Variants in TNRC6B observed in about 807,000 individuals in gnomAD.
The protein encoded by TNRC6B is trinucleotide repeat-containing gene 6B protein.
In TNRC6B, 52 loss-of-function variants were observed where a neutral mutation model predicts 203.6. That is an observed-to-expected ratio of 0.26 (90% confidence interval 0.20 to 0.32). The LOEUF (loss-of-function observed/expected upper bound fraction) is 0.32, where lower values mean the gene tolerates loss of function less well. TNRC6B is among the 10% of genes least tolerant of loss of function. The pLI, the probability that TNRC6B is intolerant of heterozygous loss-of-function variation, is 1.00. For synonymous variants in TNRC6B, 838 were observed against 845.7 expected (o/e 0.99, Z 0.16); for missense variants, 1,923 against 2,286.2 (o/e 0.84, Z 3.24).
At chr22:40,101,487 T>C (rs771243633) in intron 1 of TNRC6B, among the ~76,000 whole-genome samples, 9 of 152,182 alleles carry the variant, frequency 5.9e-5, no homozygotes, top group Non-Finnish European at 1.2e-4. Flanking sequence ...TTGAGAACCA[T>C]TGCTCTAGAC....
At position 40,329,786 on chromosome 22, in the gene TNRC6B, A is replaced by G. The variant is rs531941934; in HGVS notation, c.*6545A>G. 2 of 152,092 alleles carry G rather than the reference A, an allele frequency of 1.3e-5. No individual in the cohort carries two copies. Among genetic ancestry groups the G allele is most frequent in the African/African-American group, 2.4e-5 (1 of 41,410 alleles). The allele number at this position is 152,092 out of a possible 1,614,324, so 9.4% of individuals were successfully genotyped here. Reference sequence around the variant, plus strand: ...TGTCAGTCTCTTGTCATAACCTCCTACCGCCACCCAAAAAAGTAACGAAAG... The same window carrying G: ...TGTCAGTCTCTTGTCATAACCTCCTGCCGCCACCCAAAAAAGTAACGAAAG... On this transcript the variant is annotated 3_prime_UTR_variant, in exon 23 of 23. Transcript: ENST00000454349.
intron 1 of TNRC6B, among the ~76,000 whole-genome samples, chr22:40,206,291 C>A (rs540190160): frequency 3.3e-5 from 5 of 152,004 alleles, no homozygotes; most frequent in African/African-American, 1.2e-4. Context: ...AAAGTTTTGT[C>A]TTTTTTATTT....
rs747144588 is a variant in TNRC6B at position 40,266,121 on chromosome 22, G to C, written c.1891G>C (p.Asp631His). 5 of 1,613,950 alleles carry C rather than the reference G, an allele frequency of 3.1e-6. No homozygotes were observed. In the East Asian group the frequency reaches 8.9e-5, roughly 29 times the overall value. The change falls in exon 5 of 23, where the codon GAC becomes CAC. Residue 631 changes from aspartate to histidine, a missense_variant. By Grantham distance (81) the Asp-to-His change is moderately conservative. This residue lies in a region of TNRC6B where 38 missense variants were observed against 70.3 expected (regional missense o/e 0.54). Transcript: ENST00000454349. ...CTGGGGCCAAACTCAAATTAAGCAG[G>C]ACACAGTGTGGGACATTGAAGAGGT... ...TGWGQTQIKQ[D>H]TVWDIEEVPR...
intron 1 of TNRC6B, among the ~76,000 whole-genome samples, chr22:40,099,904 C>T (rs900934489): frequency 6.6e-6 from 1 of 152,078 alleles, no homozygotes; most frequent in Non-Finnish European, 1.5e-5. Flanking sequence ...GCGCCCGCCA[C>T]CATGCCTGGC....
At position 40,276,283 on chromosome 22, in the gene TNRC6B, C is replaced by G. The variant is rs185497921; in HGVS notation, c.3142-794C>G. 2.5e-3 allele frequency among the ~76,000 whole-genome samples: 383 copies of G among 150,604 alleles called. 2 individuals carry two copies. Among genetic ancestry groups the G allele is most frequent in the African/African-American group, 8.1e-3 (333 of 40,926 alleles). ...AATGGCGTGAGCCCGGGAGGCAAAGCTTGCAGTGAGTTGGGATGGCACCAC... is the reference window on the plus strand; with the variant it reads ...AATGGCGTGAGCCCGGGAGGCAAAGGTTGCAGTGAGTTGGGATGGCACCAC... On this transcript the variant is annotated intron_variant, in intron 7 of 22. Transcript: ENST00000454349.
chr22:40,201,016 A>G (rs1488141349), intron 1 of TNRC6B, among the ~76,000 whole-genome samples: 4 of 152,148 alleles, frequency 2.6e-5, no homozygotes, highest in Admixed American at 1.3e-4. Context: ...ATCCCCATTT[A>G]ACAGAGCTGT....
rs1043541196 is a variant in TNRC6B, at chr22:40,300,357, T to C, written c.3709-98T>C. ...CACAGAAAAGTTTGACAACTCTTGCTTTAGATTCATCAAGATTCTTTTCAC... is the reference window on the plus strand; with the variant it reads ...CACAGAAAAGTTTGACAACTCTTGCCTTAGATTCATCAAGATTCTTTTCAC... On this transcript the variant is annotated intron_variant, in intron 12 of 22. Transcript: ENST00000454349. 4.1e-6 allele frequency: 5 copies of C among 1,230,188 alleles called. No individual in the cohort carries two copies. In the African/African-American group the frequency reaches 7.7e-5, roughly 19 times the overall value. 76.2% of individuals were successfully genotyped at this position (1,230,188 alleles called of 1,614,324 possible). A position where few individuals can be genotyped will look rare whatever the true frequency, so the allele number is the denominator to read the frequency against.
At chr22:40,260,650 G>C (rs1379058583) in intron 3 of TNRC6B, among the ~76,000 whole-genome samples, 3 of 151,992 alleles carry the variant, frequency 2.0e-5, no homozygotes, top group African/African-American at 7.3e-5. Context: ...TAAGAATGTG[G>C]ATGAAGGGAA....
chr22:40,224,258 G>C (rs1339929690), intron 1 of TNRC6B, among the ~76,000 whole-genome samples: 8 of 152,130 alleles, frequency 5.3e-5, no homozygotes, highest in Admixed American at 5.2e-4. Flanking sequence ...GCCTGTCTCA[G>C]CCTCCCAAAG....
intron 19 of TNRC6B, 49 bp downstream of exon 19, chr22:40,313,046 G>A (rs373849348): frequency 4.3e-5 from 62 of 1,456,996 alleles, no homozygotes; most frequent in Non-Finnish European, 5.8e-5. Flanking sequence ...TTTTTCATCA[G>A]GTTCCCTTTT....
chr22:40,176,695 T>A (rs1330638578), upstream of TNRC6B, among the ~76,000 whole-genome samples: 1 of 152,206 alleles, frequency 6.6e-6, no homozygotes, highest in Non-Finnish European at 1.5e-5. Context: ...TACAGTCTCC[T>A]GGGGAAGACT....
intron 21 of TNRC6B, among the ~76,000 whole-genome samples, chr22:40,316,583 A>T (rs1056788374): frequency 2.0e-5 from 3 of 152,130 alleles, no homozygotes; most frequent in Non-Finnish European, 2.9e-5. Context: ...CCAGAATTGC[A>T]TTGCATTGCA....
rs967207136 is a variant in TNRC6B at position 40,323,557 on chromosome 22, T to G, written c.*316T>G. 9 of 195,594 alleles carry G rather than the reference T, an allele frequency of 4.6e-5. No homozygotes were observed. The highest frequency in any genetic ancestry group is 9.4e-5 in the Non-Finnish European group (9 of 95,792). 12.1% of individuals were successfully genotyped at this position (195,594 alleles called of 1,614,324 possible). A position where few individuals can be genotyped will look rare whatever the true frequency, so the allele number is the denominator to read the frequency against. On this transcript the variant is annotated 3_prime_UTR_variant, in exon 23 of 23. Transcript: ENST00000454349. ...CCATTTAAATTTAAACACAAAAAAA[T>G]TAAAAAAATTAGTTTCTAGTTTTTC...
intron 15 of TNRC6B, among the ~76,000 whole-genome samples, chr22:40,304,392 G>A (rs2071064258): frequency 6.6e-6 from 1 of 152,182 alleles, no homozygotes; most frequent in Non-Finnish European, 1.5e-5. Context: ...AGGCCAAGGT[G>A]AAGAGTGAGA....
At chr22:40,227,878 C>T (rs532166099) in intron 1 of TNRC6B, among the ~76,000 whole-genome samples, 48 of 152,238 alleles carry the variant, frequency 3.2e-4, no homozygotes, top group Middle Eastern at 3.4e-3. Flanking sequence ...CTCAGTTTTT[C>T]TCCTGAATAA....
intron 1 of TNRC6B, among the ~76,000 whole-genome samples, chr22:40,078,999 G>A (rs868338717): frequency 2.8e-4 from 42 of 151,818 alleles, no homozygotes; most frequent in South Asian, 6.3e-4. Flanking sequence ...GCATGAACTC[G>A]GGAGGCAGAG....
rs111738624 is a variant in TNRC6B, at chr22:40,089,814, C to T, written c.-120-27241C>T. 3.6e-3 allele frequency among the ~76,000 whole-genome samples: 542 copies of T among 152,282 alleles called. 4 individuals carry two copies. The highest frequency in any genetic ancestry group is 0.017 in the Middle Eastern group (5 of 294). On this transcript the variant is annotated intron_variant, in intron 1 of 23. Transcript: ENST00000301923. ...ATCATAGAATCATGCAAAGTGGTTT[C>T]AGTGCTCTCAATCTTCTCTGCTCCA...
intron 1 of TNRC6B, among the ~76,000 whole-genome samples, chr22:40,048,236 T>TAGTGGGTAAATTTCCC (rs2067709699): frequency 6.6e-6 from 1 of 152,192 alleles, no homozygotes. Context: ...GCCAATTACC[T>TAGTGGGTAAATTTCCC]AGTGGGTAAA....
chr22:40,062,053 A>G (rs2067858060), intron 1 of TNRC6B, among the ~76,000 whole-genome samples: 1 of 152,160 alleles, frequency 6.6e-6, no homozygotes, highest in Non-Finnish European at 1.5e-5. Flanking sequence ...CAGCCTGGGC[A>G]ACACAGCGAG....
Sources: gnomAD v4.1 joint callset for allele counts (sites outside exome capture counted in the v4.1 genomes callset) on GRCh38, gnomAD v4.1.1 for gene constraint, gnomAD v4.1.1 regional missense constraint, MANE v1.5 for transcripts, NCBI Gene and HGNC (gene_info 2026-07-23, HGNC 2026-07-21) for gene names.